TACC1: variants seen among roughly 807,000 people sequenced by gnomAD.
TACC1 encodes the protein transforming acidic coiled-coil-containing protein 1.
A neutral mutation model predicts 84.4 loss-of-function variants in TACC1; 48 were observed. The observed-to-expected ratio is 0.57, with a 90% CI of 0.45 to 0.72. The LOEUF is 0.72. TACC1 is among the 30% of genes least tolerant of loss of function. The probability of loss-of-function intolerance (pLI) is 0.00; values close to 1 mark genes in which losing one functional copy is unlikely to be tolerated. For synonymous variants in TACC1, 372 were observed against 376.3 expected (o/e 0.99, Z 0.13); for missense variants, 920 against 973.0 (o/e 0.95, Z 0.72).
intron 2 of TACC1, among the ~76,000 whole-genome samples, chr8:38,810,345 A>G (rs1823787968): frequency 6.6e-6 from 1 of 152,180 alleles, no homozygotes. Flanking sequence ...TGACACCTGT[A>G]GTCTTAGCAT....
At chr8:38,833,518 T>C (rs549721749) in intron 6 of TACC1, among the ~76,000 whole-genome samples, 1 of 151,988 alleles carries the variant, frequency 6.6e-6, no homozygotes, top group East Asian at 1.9e-4. Flanking sequence ...GAGAGGAGAG[T>C]GGCTGGGGAG....
chr8:38,827,617 C>CTTGAAT, intron 5 of TACC1: 1 of 526,150 alleles, frequency 1.9e-6, no homozygotes, highest in Non-Finnish European at 3.4e-6. Context: ...TGTGAGACTG[C>CTTGAAT]TTGAATTTCT....
rs182377254 is a variant in TACC1, at chr8:38,847,512, C to T, written c.2350-443C>T. Among the ~76,000 whole-genome samples, 542 of 152,294 alleles carry T rather than the reference C, an allele frequency of 3.6e-3. 1 individual carries two copies. Among genetic ancestry groups the T allele is most frequent in the Non-Finnish European group, 6.2e-3 (420 of 68,022 alleles). On this transcript the variant is annotated intron_variant, in intron 12 of 12. Transcript: ENST00000317827. ...TGCATTTCCAATTATGTACTCATAC[C>T]TGTGCCATCCATTCATCAAGAGCAG...
At chr8:38,843,728 C>T (rs1209093873) in intron 11 of TACC1, among the ~76,000 whole-genome samples, 3 of 152,098 alleles carry the variant, frequency 2.0e-5, no homozygotes, top group Admixed American at 2.0e-4. Context: ...AGAATCTTTC[C>T]ATGTCAGTGC....
intron 3 of TACC1, among the ~76,000 whole-genome samples, chr8:38,772,801 TA>T (rs1439779159): frequency 6.6e-6 from 1 of 152,034 alleles, no homozygotes; most frequent in Non-Finnish European, 1.5e-5. Context: ...TACTATTCAT[TA>T]ATATAAACAA....
chr8:38,820,432 C>G lies in TACC1; in HGVS notation c.1188C>G (p.Pro396=). The G allele has an allele frequency of 6.2e-7, 1 of 1,614,196 alleles. No individual in the cohort carries two copies. The highest frequency in any genetic ancestry group is 8.5e-7 in the Non-Finnish European group (1 of 1,180,026). The change falls in exon 3 of 13, where the codon CCC becomes CCG. Residue 396 remains proline, a synonymous_variant. Coordinates refer to ENST00000317827, the MANE Select transcript of TACC1 (RefSeq NM_006283.3). Reference sequence around the variant, plus strand: ...AGTGGGAAAGCCCCAGCTTCAACCCCTTTGGGAGCCACTCTGTTCTGCAGA... The same window carrying G: ...AGTGGGAAAGCCCCAGCTTCAACCCGTTTGGGAGCCACTCTGTTCTGCAGA... ...PSQWESPSFN[P]FGSHSVLQNS... is the part of the protein sequence containing the mutation.
In TACC1 at chr8:38,841,477, G is replaced by A. The variant is rs189057755; in HGVS notation, c.1961-810G>A. On this transcript the variant is annotated intron_variant, in intron 9 of 12. Coordinates refer to ENST00000317827, the MANE Select transcript of TACC1 (RefSeq NM_006283.3). ...TTGCTTTGTTCACTGTCAGCTGAGA[G>A]CGTGCATATCAGGTGACTAAAGCAT... Among the ~76,000 whole-genome samples, 144 of 152,314 alleles carry A rather than the reference G, an allele frequency of 9.5e-4. 1 individual carries two copies. The highest frequency in any genetic ancestry group is 3.2e-3 in the African/African-American group (134 of 41,578).
rs142108696 is a variant in TACC1 at position 38,731,605 on chromosome 8, A to G, written c.-675+2934A>G. ...GTTTGAAACTATAAAATGCACACCA[A>G]CAAATGCAATGTAATTTCAATTTGA... On this transcript the variant is annotated intron_variant, in intron 1 of 14. Coordinates refer to the TACC1 transcript ENST00000518415. Among the ~76,000 whole-genome samples, 266 of 152,322 alleles carry G rather than the reference A, an allele frequency of 1.7e-3. 2 individuals carry two copies. The highest frequency in any genetic ancestry group is 6.0e-3 in the African/African-American group (251 of 41,566).
chr8:38,836,083 TA>T (rs1830165267), intron 6 of TACC1, 78 bp from the exon 7 acceptor site: 3 of 1,575,648 alleles, frequency 1.9e-6, no homozygotes, highest in Non-Finnish European at 2.6e-6. Flanking sequence ...ATCAATTTAG[TA>T]ATGAGGAAGT....
intron 2 of TACC1, among the ~76,000 whole-genome samples, chr8:38,797,103 GACC>G (rs1477816198): frequency 6.6e-6 from 1 of 152,252 alleles, no homozygotes; most frequent in Non-Finnish European, 1.5e-5. Flanking sequence ...TCACCATGTG[GACC>G]ACTGCTGGGT....
At chr8:38,833,396 TC>T (rs2152288995) in intron 6 of TACC1, among the ~76,000 whole-genome samples, 1 of 152,292 alleles carries the variant, frequency 6.6e-6, no homozygotes, top group East Asian at 1.9e-4. Flanking sequence ...AAAAGTTAAA[TC>T]CTAGGAGACT....
intron 2 of TACC1, among the ~76,000 whole-genome samples, chr8:38,818,432 C>T (rs544654515): frequency 2.8e-4 from 43 of 152,084 alleles, no homozygotes; most frequent in South Asian, 6.2e-4. Context: ...TTTGCTTTAA[C>T]GAAATTACCT....
intron 2 of TACC1, among the ~76,000 whole-genome samples, chr8:38,818,184 C>T (rs1476846845): frequency 7.0e-6 from 1 of 143,788 alleles, no homozygotes; most frequent in African/African-American, 2.6e-5. Flanking sequence ...TGCAGTGAGC[C>T]ATGATCAGGC....
intron 2 of TACC1, among the ~76,000 whole-genome samples, chr8:38,800,058 G>A (rs1164633745): frequency 1.3e-5 from 2 of 152,212 alleles, no homozygotes; most frequent in African/African-American, 4.8e-5. Context: ...CTGCTCAGAA[G>A]GCTAAGGTGG....
At chr8:38,836,384 C>T (rs369117073) in intron 7 of TACC1, 97 bp downstream of exon 7, 1 of 1,525,568 alleles carries the variant, frequency 6.6e-7, no homozygotes, top group Non-Finnish European at 8.9e-7. Context: ...CAAGTTATCA[C>T]AGGCTGGAAG....
intron 3 of TACC1, among the ~76,000 whole-genome samples, chr8:38,749,592 GT>G (rs1292481123): frequency 6.6e-6 from 1 of 151,878 alleles, no homozygotes; most frequent in African/African-American, 2.4e-5. Context: ...TGTTTGTTTT[GT>G]TTTTTGGGTT....
At chr8:38,828,422 A>T (rs1034152098) in intron 5 of TACC1, among the ~76,000 whole-genome samples, 1 of 152,262 alleles carries the variant, frequency 6.6e-6, no homozygotes, top group Non-Finnish European at 1.5e-5. Context: ...TAAGTTTTAC[A>T]TGACATTAGA....
chr8:38,803,488 C>T (rs1020641837), intron 2 of TACC1, among the ~76,000 whole-genome samples: 5 of 152,054 alleles, frequency 3.3e-5, no homozygotes, highest in Admixed American at 6.6e-5. Context: ...TGGATTTTGT[C>T]AAATGCTTTT....
chr8:38,761,326 G>A (rs1811170793), intron 3 of TACC1, among the ~76,000 whole-genome samples: 1 of 121,834 alleles, frequency 8.2e-6, no homozygotes, highest in South Asian at 2.7e-4. Flanking sequence ...TGCCTGGAAT[G>A]TAAGATCTAC....
Sources: allele counts gnomAD v4.1 joint callset (sites outside exome capture counted in the v4.1 genomes callset), GRCh38; gene constraint gnomAD v4.1.1; transcripts MANE v1.5; gene names NCBI Gene and HGNC (gene_info 2026-07-23, HGNC 2026-07-21).